Variants in SHANK2 observed in about 807,000 individuals in gnomAD.
The protein encoded by SHANK2 is SH3 and multiple ankyrin repeat domains protein 2.
SHANK2 carries 43 observed loss-of-function variants against 133.7 expected under a neutral mutation model. That is an observed-to-expected ratio of 0.32 (90% CI 0.25 to 0.41). The LOEUF (loss-of-function observed/expected upper bound fraction) is 0.41, where lower values mean the gene tolerates loss of function less well. Ranked by LOEUF, SHANK2 falls within the 10% of genes least tolerant of loss-of-function variation. The probability of loss-of-function intolerance (pLI) is 1.00; values close to 1 mark genes in which losing one functional copy is unlikely to be tolerated. For synonymous variants in SHANK2, 1,017 were observed against 952.8 expected, an observed-to-expected ratio of 1.07 and a Z score of -1.24; for missense variants, 1,994 against 2,235.8, an observed-to-expected ratio of 0.89 and a Z score of 2.18.
intron 14 of SHANK2, among the ~76,000 whole-genome samples, chr11:70,730,826 CTTTTT>C (rs34081906): frequency 7.8e-6 from 1 of 127,392 alleles, no homozygotes; most frequent in Non-Finnish European, 1.6e-5. Flanking sequence ...TTTTTTATTT[CTTTTT>C]TTTTTTTTTT....
At chr11:70,893,610 T>C (rs1416994154) in intron 11 of SHANK2, among the ~76,000 whole-genome samples, 2 of 152,262 alleles carry the variant, frequency 1.3e-5, no homozygotes, top group Non-Finnish European at 2.9e-5. Context: ...AGTTTGCTAG[T>C]TCATAATCAC....
chr11:70,605,483 C>T (rs2060563903), intron 17 of SHANK2, among the ~76,000 whole-genome samples: 1 of 152,260 alleles, frequency 6.6e-6, no homozygotes, highest in Admixed American at 6.5e-5. Flanking sequence ...GCTGGTCTCT[C>T]ACCCTCCAGC....
chr11:71,074,811 G>A (rs935667389), intron 9 of SHANK2, among the ~76,000 whole-genome samples: 16 of 128,330 alleles, frequency 1.2e-4, no homozygotes, highest in East Asian at 4.5e-4. Flanking sequence ...ACGGAGTCTC[G>A]CTCTGTAGCC....
At chr11:70,634,233 A>T (rs1227394375) in intron 17 of SHANK2, 2 of 152,006 alleles carry the variant, frequency 1.3e-5, no homozygotes, top group African/African-American at 4.8e-5. Flanking sequence ...CGCAAGAAAG[A>T]TCCCATGCTG....
chr11:71,067,285 G>A (rs1951077168), intron 9 of SHANK2, among the ~76,000 whole-genome samples: 1 of 152,232 alleles, frequency 6.6e-6, no homozygotes, highest in Non-Finnish European at 1.5e-5. Flanking sequence ...CCTGGCTCGT[G>A]CTGGTATCAA....
At chr11:70,801,785 T>C (rs1948052418) in intron 13 of SHANK2, among the ~76,000 whole-genome samples, 1 of 152,038 alleles carries the variant, frequency 6.6e-6, no homozygotes, top group African/African-American at 2.4e-5. Flanking sequence ...TAGGGTGAAT[T>C]CTGAGAGTGA....
chr11:70,654,534 T>C (rs2061379772), intron 17 of SHANK2: 1 of 152,230 alleles, frequency 6.6e-6, no homozygotes, highest in Non-Finnish European at 1.5e-5. Flanking sequence ...GGAAAGATGG[T>C]ATTAGATGAT....
chr11:71,092,314 C>A, intron 8 of SHANK2, 108 bp downstream of exon 8: 1 of 1,233,990 alleles, frequency 8.1e-7, no homozygotes, highest in Non-Finnish European at 1.2e-6. Flanking sequence ...AAACAAAATA[C>A]CTGAAGGCAG....
intron 10 of SHANK2, among the ~76,000 whole-genome samples, chr11:70,899,575 T>G (rs1355202129): frequency 1.3e-5 from 2 of 152,160 alleles, no homozygotes; most frequent in African/African-American, 4.8e-5. Context: ...CAGGCCACAT[T>G]CAGAGAGTCA....
intron 15 of SHANK2, among the ~76,000 whole-genome samples, chr11:70,677,866 A>C: frequency 6.6e-6 from 1 of 152,242 alleles, no homozygotes; most frequent in East Asian, 1.9e-4. Flanking sequence ...ACACATCTTA[A>C]GAACGAGCTG....
intron 8 of SHANK2, among the ~76,000 whole-genome samples, chr11:71,078,391 G>C (rs1294214613): frequency 2.0e-5 from 3 of 151,058 alleles, no homozygotes; most frequent in Admixed American, 2.0e-4. Context: ...AGAAGCAATG[G>C]TAGGATTAAA....
rs183800005 is a variant in SHANK2, at chr11:70,945,163, C to T, written c.1108-48596G>A. On this transcript the variant is annotated intron_variant, in intron 10 of 25. Transcript: ENST00000601538. ...GCAGGGGATGGAAATTGTGTATGGG[C>T]GGCTCTTGTCAAAAGAAGGACTTCC... 8.5e-4 allele frequency among the ~76,000 whole-genome samples: 130 copies of T among 152,162 alleles called. 1 individual carries two copies. Among genetic ancestry groups the T allele is most frequent in the Middle Eastern group, 3.4e-3 (1 of 294 alleles).
In SHANK2 at chr11:70,865,461, G is replaced by A. The variant is rs540261055; in HGVS notation, c.1174+31040C>T. On this transcript the variant is annotated intron_variant, in intron 11 of 25. Coordinates refer to ENST00000601538, the MANE Select transcript of SHANK2 (RefSeq NM_012309.5). ...GGGCCCAGGAGGCTGAATTCACCACGAGTAAGGGCACGCGGGGGGTGTCTG... is the reference window on the plus strand; with the variant it reads ...GGGCCCAGGAGGCTGAATTCACCACAAGTAAGGGCACGCGGGGGGTGTCTG... Among the ~76,000 whole-genome samples, 5 of 152,318 alleles carry A rather than the reference G, an allele frequency of 3.3e-5. No homozygotes were observed. The East Asian group carries it at 5.8e-4, about 18-fold the overall frequency.
chr11:70,559,110 CAG>C (rs1430953214), intron 17 of SHANK2, among the ~76,000 whole-genome samples: 1 of 150,664 alleles, frequency 6.6e-6, no homozygotes, highest in African/African-American at 2.4e-5. Flanking sequence ...CCTCTGCCTC[CAG>C]GGTTCAAGCT....
At chr11:71,118,390 C>T (rs1466367115) in intron 4 of SHANK2, among the ~76,000 whole-genome samples, 4 of 152,078 alleles carry the variant, frequency 2.6e-5, no homozygotes, top group Non-Finnish European at 5.9e-5. Flanking sequence ...CATATGGCTG[C>T]GGAGGCCTCA....
chr11:70,666,071 C>A (rs1944673211), intron 15 of SHANK2, among the ~76,000 whole-genome samples: 1 of 152,060 alleles, frequency 6.6e-6, no homozygotes, highest in South Asian at 2.1e-4. Context: ...CAGGGAGAAA[C>A]GGATGTTGGG....
chr11:70,890,662 G>T (rs1263330617), intron 11 of SHANK2, among the ~76,000 whole-genome samples: 4 of 151,954 alleles, frequency 2.6e-5, no homozygotes, highest in Non-Finnish European at 5.9e-5. Context: ...AGCCGGGTAT[G>T]GTAGCGCGTG....
At chr11:70,679,661 G>A (rs1305498423) in intron 15 of SHANK2, among the ~76,000 whole-genome samples, 1 of 152,250 alleles carries the variant, frequency 6.6e-6, no homozygotes, top group Non-Finnish European at 1.5e-5. Context: ...TGGGAGGCCC[G>A]GTGCCATCTG....
intron 3 of SHANK2, among the ~76,000 whole-genome samples, chr11:71,133,605 G>A (rs1952378299): frequency 6.6e-6 from 1 of 151,956 alleles, no homozygotes; most frequent in African/African-American, 2.4e-5. Context: ...GGGGATGGGT[G>A]GGTAGGTGGG....
Sources: allele counts gnomAD v4.1 joint callset (sites outside exome capture counted in the v4.1 genomes callset), GRCh38; gene constraint gnomAD v4.1.1; transcripts MANE v1.5; gene names NCBI Gene and HGNC (gene_info 2026-07-23, HGNC 2026-07-21).